PALLD: variants seen among roughly 807,000 people sequenced by gnomAD.
PALLD encodes the protein palladin.
PALLD carries 61 observed loss-of-function variants against 123.5 expected under a neutral mutation model. The observed-to-expected ratio is 0.49, with a 90% confidence interval of 0.40 to 0.61. The LOEUF is 0.61. PALLD is among the 20% of genes least tolerant of loss of function. The pLI is 0.00. For synonymous variants in PALLD, 465 were observed against 496.4 expected, an observed-to-expected ratio of 0.94 and a Z score of 0.84; for missense variants, 1,273 against 1,377.0, an observed-to-expected ratio of 0.92 and a Z score of 1.20.
At chr4:168,856,306 T>G (rs938431350) in intron 10 of PALLD, among the ~76,000 whole-genome samples, 1 of 152,214 alleles carries the variant, frequency 6.6e-6, no homozygotes, top group African/African-American at 2.4e-5. Flanking sequence ...GAGGAGCAAG[T>G]GTACATGTAC....
At chr4:168,662,641 A>G (rs1039198858) in intron 2 of PALLD, among the ~76,000 whole-genome samples, 1 of 152,228 alleles carries the variant, frequency 6.6e-6, no homozygotes, top group East Asian at 1.9e-4. Context: ...CTTTCCCTAA[A>G]TGATACCAGC....
At position 168,685,501 on chromosome 4, in the gene PALLD, C is replaced by T; in HGVS notation, c.1277C>T (p.Ser426Leu). Reference sequence around the variant, plus strand: ...CTTTTGCAGGTTCACAGTCCAACTTCATATCTCTGCCGACCTGATGGAACC... The same window carrying T: ...CTTTTGCAGGTTCACAGTCCAACTTTATATCTCTGCCGACCTGATGGAACC... ...VPVQQVHSPTSYLCRPDGTTT... is the reference protein window; with the variant it reads ...VPVQQVHSPTLYLCRPDGTTT... Residue 426 changes from serine to leucine, a missense_variant, in exon 6 of 22, where the codon TCA becomes TTA. This residue lies in a region of PALLD where 944 missense variants were observed against 954.5 expected (regional missense o/e 0.99). Transcript: ENST00000505667. 6.2e-7 allele frequency: 1 copy of T among 1,611,528 alleles called. No homozygotes were observed. Among genetic ancestry groups the T allele is most frequent in the Non-Finnish European group, 8.5e-7 (1 of 1,177,642 alleles).
intron 2 of PALLD, among the ~76,000 whole-genome samples, chr4:168,540,650 C>G (rs964103468): frequency 1.4e-4 from 22 of 151,992 alleles, no homozygotes; most frequent in African/African-American, 5.3e-4. Flanking sequence ...TTATTTTTAT[C>G]TTCTTACTTT....
chr4:168,700,063 A>T, intron 8 of PALLD: 1 of 336,222 alleles, frequency 3.0e-6, no homozygotes, highest in Non-Finnish European at 6.0e-6. Flanking sequence ...CCAGATGAAA[A>T]TTCAGTATTA....
chr4:168,499,063 T>C (rs1273762258), intron 1 of PALLD, among the ~76,000 whole-genome samples: 1 of 149,086 alleles, frequency 6.7e-6, no homozygotes, highest in Non-Finnish European at 1.5e-5. Flanking sequence ...GAAAGGAAAA[T>C]AATCCATGTG....
intron 6 of PALLD, among the ~76,000 whole-genome samples, chr4:168,688,073 C>T (rs181269310): frequency 6.6e-6 from 1 of 152,294 alleles, no homozygotes; most frequent in Non-Finnish European, 1.5e-5. Context: ...TCACTTTAGG[C>T]AGCTTCTGTC....
rs1225193326 is a variant in PALLD at position 168,811,757 on chromosome 4, TTC to T, written c.1965-79146_1965-79145del. 7.3e-3 allele frequency among the ~76,000 whole-genome samples: 947 copies of T among 130,240 alleles called. 3 individuals carry two copies. Among genetic ancestry groups the T allele is most frequent in the African/African-American group, 0.01 (367 of 35,420 alleles). The allele number at this position is 130,240 out of a possible 152,430, so 85.4% of individuals were successfully genotyped here. On this transcript the variant is annotated intron_variant, in intron 10 of 21. Transcript: ENST00000505667. ...ACCCTGTCTCTCTTTCTCTCTCTCTTTCTCTCTCTCTCTCTCTCTCACACACA... is the reference window on the plus strand; with the variant it reads ...ACCCTGTCTCTCTTTCTCTCTCTCTTTCTCTCTCTCTCTCTCTCACACACA...
intron 2 of PALLD, among the ~76,000 whole-genome samples, chr4:168,556,039 T>C (rs1212589378): frequency 6.6e-6 from 1 of 152,148 alleles, no homozygotes; most frequent in East Asian, 1.9e-4. Context: ...GTTTAAGACC[T>C]CTTAGCACAG....
intron 8 of PALLD, among the ~76,000 whole-genome samples, chr4:168,708,757 A>G (rs1340643088): frequency 6.6e-6 from 1 of 152,184 alleles, no homozygotes; most frequent in Non-Finnish European, 1.5e-5. Context: ...CAGATAACCC[A>G]TTGGGTATGT....
chr4:168,596,356 T>C (rs1394242699), intron 2 of PALLD, among the ~76,000 whole-genome samples: 1 of 152,158 alleles, frequency 6.6e-6, no homozygotes, highest in Non-Finnish European at 1.5e-5. Flanking sequence ...AACATCTTAA[T>C]GAAGCAGCAT....
intron 10 of PALLD, among the ~76,000 whole-genome samples, chr4:168,866,305 A>G (rs1306723057): frequency 6.6e-6 from 1 of 152,170 alleles, no homozygotes; most frequent in Non-Finnish European, 1.5e-5. Context: ...AACTATTTTT[A>G]AGAATTCAAA....
chr4:168,705,016 T>A (rs1784094329), intron 8 of PALLD, among the ~76,000 whole-genome samples: 2 of 152,198 alleles, frequency 1.3e-5, no homozygotes, highest in South Asian at 4.1e-4. Context: ...TTCTATATTA[T>A]ATTTCCTACT....
At chr4:168,787,754 C>G (rs1736949765) in intron 10 of PALLD, among the ~76,000 whole-genome samples, 1 of 152,214 alleles carries the variant, frequency 6.6e-6, no homozygotes, top group Admixed American at 6.5e-5. Flanking sequence ...TGATAGTCAA[C>G]TACTTTCTTT....
intron 10 of PALLD, among the ~76,000 whole-genome samples, chr4:168,835,236 A>G (rs116417227): frequency 0.02 from 2,982 of 152,336 alleles, 80 homozygotes; most frequent in African/African-American, 0.066. Context: ...AACTCTGAGT[A>G]ATCACAATTC....
At chr4:168,579,304 G>A (rs190600542) in intron 2 of PALLD, among the ~76,000 whole-genome samples, 6 of 152,260 alleles carry the variant, frequency 3.9e-5, no homozygotes, top group Admixed American at 3.3e-4. Flanking sequence ...GGACATTGGG[G>A]ATATTAAATG....
intron 12 of PALLD, among the ~76,000 whole-genome samples, chr4:168,895,996 G>A (rs1329145953): frequency 6.6e-6 from 1 of 152,166 alleles, no homozygotes; most frequent in African/African-American, 2.4e-5. Context: ...GATTACCTGA[G>A]GTCAGGAGTT....
At chr4:168,737,273 A>G (rs902002966) in intron 10 of PALLD, among the ~76,000 whole-genome samples, 17 of 152,234 alleles carry the variant, frequency 1.1e-4, no homozygotes, top group African/African-American at 2.9e-4. Context: ...GATTCTTGCT[A>G]TAGCACATTT....
At chr4:168,898,302 T>C (rs547735046) in intron 13 of PALLD, 191 bp from the exon 14 acceptor site, 470 of 615,824 alleles carry the variant, frequency 7.6e-4, no homozygotes, top group Non-Finnish European at 2.3e-4. Context: ...TTGAAGACAA[T>C]CTGAAATACC....
At chr4:168,656,105 G>A (rs1034271523) in intron 2 of PALLD, among the ~76,000 whole-genome samples, 1 of 152,126 alleles carries the variant, frequency 6.6e-6, no homozygotes, top group Non-Finnish European at 1.5e-5. Flanking sequence ...ATCCCATTTG[G>A]AATGTAATCC....
Sources: allele counts gnomAD v4.1 joint callset (sites outside exome capture counted in the v4.1 genomes callset), GRCh38; gene constraint gnomAD v4.1.1; regional missense constraint gnomAD v4.1.1; transcripts MANE v1.5; gene names NCBI Gene and HGNC (gene_info 2026-07-23, HGNC 2026-07-21).